RASSF3: variants seen among roughly 807,000 people sequenced by gnomAD.
RASSF3 encodes ras association domain-containing protein 3.
A neutral mutation model predicts 19.9 loss-of-function variants in RASSF3; 19 were observed. The observed-to-expected ratio is 0.96, with a 90% CI of 0.67 to 1.40. The LOEUF is 1.40. Ranked by LOEUF, RASSF3 falls within the 40% of genes most tolerant of loss-of-function variation. The pLI is 0.00. For synonymous variants in RASSF3, 110 were observed against 104.2 expected (o/e 1.06, Z -0.34); for missense variants, 306 against 289.8 (o/e 1.06, Z -0.41).
At chr12:64,531,898 G>A (rs944976524), upstream of RASSF3, among the ~76,000 whole-genome samples, 1 of 152,220 alleles carries the variant, frequency 6.6e-6, no homozygotes, top group Middle Eastern at 3.2e-3. Flanking sequence ...CTGCTGAAGG[G>A]TTTGCACCCA....
intron 1 of RASSF3, among the ~76,000 whole-genome samples, chr12:64,612,329 A>G (rs1440922984): frequency 6.6e-6 from 1 of 152,134 alleles, no homozygotes; most frequent in Non-Finnish European, 1.5e-5. Flanking sequence ...GTGTCTGCTA[A>G]TCTCCTGAAA....
intron 2 of RASSF3, among the ~76,000 whole-genome samples, chr12:64,573,061 G>C (rs1218309960): frequency 1.3e-5 from 2 of 152,110 alleles, no homozygotes; most frequent in East Asian, 3.9e-4. Context: ...TTTTTAAAAA[G>C]CTTTCTTCTT....
chr12:64,589,381 C>T (rs181651319), intron 2 of RASSF3, among the ~76,000 whole-genome samples: 21 of 152,162 alleles, frequency 1.4e-4, no homozygotes, highest in African/African-American at 2.4e-4. Context: ...AATTCAGAGG[C>T]GGAGGCTGCA....
upstream of RASSF3, among the ~76,000 whole-genome samples, chr12:64,531,396 C>G (rs1868706194): frequency 6.6e-6 from 1 of 152,158 alleles, no homozygotes; most frequent in Non-Finnish European, 1.5e-5. Flanking sequence ...ACTCTCTAGT[C>G]TACCTGAACA....
chr12:64,527,780 CA>C (rs1409244765), intron 1 of RASSF3, among the ~76,000 whole-genome samples: 8 of 149,246 alleles, frequency 5.4e-5, no homozygotes, highest in African/African-American at 2.0e-4. Context: ...GCTAAAAATA[CA>C]AATATTAGCT....
At chr12:64,594,061 G>C (rs1291836670) in intron 2 of RASSF3, among the ~76,000 whole-genome samples, 1 of 150,616 alleles carries the variant, frequency 6.6e-6, no homozygotes, top group East Asian at 1.9e-4. Flanking sequence ...GGCTGGGCGT[G>C]GTAGCTCACA....
intron 1 of RASSF3, among the ~76,000 whole-genome samples, chr12:64,629,197 G>A (rs1362063272): frequency 6.6e-6 from 1 of 151,882 alleles, no homozygotes; most frequent in Non-Finnish European, 1.5e-5. Flanking sequence ...CTGCCTATGG[G>A]TTCAAGCAAT....
chr12:64,636,774 G>A (rs1190050847), intron 1 of RASSF3, among the ~76,000 whole-genome samples: 1 of 151,290 alleles, frequency 6.6e-6, no homozygotes, highest in Non-Finnish European at 1.5e-5. Context: ...GGTGAGGCAG[G>A]AGAATCATTT....
At chr12:64,551,850 A>G (rs774367506) in intron 2 of RASSF3, among the ~76,000 whole-genome samples, 1 of 152,238 alleles carries the variant, frequency 6.6e-6, no homozygotes, top group Non-Finnish European at 1.5e-5. Context: ...AAAGGTCCAC[A>G]GCTAGTTTTA....
intron 1 of RASSF3, among the ~76,000 whole-genome samples, chr12:64,682,141 T>A (rs965873512): frequency 1.4e-4 from 22 of 152,170 alleles, no homozygotes; most frequent in African/African-American, 5.3e-4. Flanking sequence ...AATAGGATGC[T>A]CCCAAGGGAC....
chr12:64,631,517 G>A (rs1177505072), intron 1 of RASSF3, among the ~76,000 whole-genome samples: 3 of 151,632 alleles, frequency 2.0e-5, no homozygotes, highest in Non-Finnish European at 4.4e-5. Context: ...GAAGTGGTAA[G>A]GGTGTTGTCA....
At chr12:64,623,064 G>A (rs529682204) in intron 1 of RASSF3, among the ~76,000 whole-genome samples, 3 of 152,002 alleles carry the variant, frequency 2.0e-5, no homozygotes, top group South Asian at 2.1e-4. Context: ...CAGGTGATCC[G>A]CCTGCCTCGG....
intron 1 of RASSF3, among the ~76,000 whole-genome samples, chr12:64,671,059 G>C (rs1872687023): frequency 1.3e-5 from 2 of 152,106 alleles, no homozygotes; most frequent in African/African-American, 4.8e-5. Flanking sequence ...TGTCTGGAAT[G>C]GGTGATGATA....
Position 64,511,928 on chromosome 12 carries a change from G to GTT in RASSF3, c.169+4602_169+4603dup, listed in dbSNP as rs759489211. 7.2e-5 allele frequency among the ~76,000 whole-genome samples: 11 copies of GTT among 152,048 alleles called. 1 individual carries two copies. The highest frequency in any genetic ancestry group is 1.5e-4 in the Non-Finnish European group (10 of 68,008). On this transcript the variant is annotated intron_variant, in intron 1 of 5. Coordinates refer to the RASSF3 transcript ENST00000637125. ...TCCCTTTCACCCCTTCCTGCCCCAT[G>GTT]TTTTATCAGTTAATGAGATCTGATG...
intron 1 of RASSF3, among the ~76,000 whole-genome samples, chr12:64,620,138 A>G (rs891216970): frequency 6.6e-6 from 1 of 151,820 alleles, no homozygotes; most frequent in Admixed American, 6.6e-5. Flanking sequence ...ACCTGCCTTC[A>G]TGGGGGGCGT....
intron 1 of RASSF3, among the ~76,000 whole-genome samples, chr12:64,614,990 C>T (rs1198893430): frequency 1.3e-5 from 2 of 152,220 alleles, no homozygotes; most frequent in Admixed American, 6.5e-5. Context: ...TGAGCCACCG[C>T]GCCTGGCTGT....
At chr12:64,561,079 A>G (rs1361599585) in intron 2 of RASSF3, among the ~76,000 whole-genome samples, 1 of 152,198 alleles carries the variant, frequency 6.6e-6, no homozygotes, top group Non-Finnish European at 1.5e-5. Flanking sequence ...CAGCTTGTAG[A>G]AAGGGCGTTC....
intron 2 of RASSF3, among the ~76,000 whole-genome samples, chr12:64,547,342 C>T (rs1448449300): frequency 6.7e-6 from 1 of 150,170 alleles, no homozygotes. Context: ...CTGAGGCAGG[C>T]GGATCACAAG....
intron 2 of RASSF3, among the ~76,000 whole-genome samples, chr12:64,573,592 A>G (rs1445020465): frequency 1.3e-5 from 2 of 152,170 alleles, no homozygotes; most frequent in Non-Finnish European, 2.9e-5. Flanking sequence ...TGACTAGGGA[A>G]GGATCCACTT....
Sources: allele counts gnomAD v4.1 joint callset (sites outside exome capture counted in the v4.1 genomes callset), GRCh38; gene constraint gnomAD v4.1.1; transcripts MANE v1.5; gene names NCBI Gene and HGNC (gene_info 2026-07-23, HGNC 2026-07-21).